ZNF726: variants seen among roughly 807,000 people sequenced by gnomAD.
The protein encoded by ZNF726 is zinc finger protein 726.
ZNF726 carries 15 observed loss-of-function variants against 11.6 expected under a neutral mutation model. The ratio of observed to expected loss-of-function variants is 1.29; its 90% CI spans 0.86 to 1.99. The LOEUF is 1.99. Among genes scored for constraint, ZNF726 ranks in the 30% most tolerant of loss-of-function variants. The pLI, the probability that ZNF726 is intolerant of heterozygous loss-of-function variation, is 0.00. For missense variants in ZNF726, 890 were observed against 725.6 expected, an observed-to-expected ratio of 1.23 and a Z score of -2.60; for synonymous variants, 295 against 243.6, an observed-to-expected ratio of 1.21 and a Z score of -1.96.
rs535543404 is a variant in ZNF726 at position 23,933,864 on chromosome 19, A to G, written c.1748A>G (p.His583Arg). ...AATCGATCCTCAAATCTTAGTACGC[A>G]TAAGATAATTCATACTGGAGAGAAA... Reference protein sequence around the residue: ...AFNRSSNLSTHKIIHTGEKPY... With the variant: ...AFNRSSNLSTRKIIHTGEKPY... Residue 583 changes from histidine to arginine, a missense_variant, in exon 4 of 4, where the codon CAT becomes CGT. His to Arg is a conservative substitution (Grantham distance 29). Coordinates refer to ENST00000594466, the MANE Select transcript of ZNF726 (RefSeq NM_001244038.2). The G allele has an allele frequency of 6.3e-6, 10 of 1,592,634 alleles. No individual in the cohort carries two copies. Among genetic ancestry groups the G allele is most frequent in the South Asian group, 5.6e-5 (5 of 89,080 alleles).
intron 3 of ZNF726, among the ~76,000 whole-genome samples, chr19:23,941,293 G>A (rs2145004972): frequency 6.6e-6 from 1 of 152,230 alleles, no homozygotes; most frequent in South Asian, 2.1e-4. Flanking sequence ...GTTGACGTGT[G>A]TGTGTTAAAC....
chr19:23,921,573 A>T (rs1967852925), intron 3 of ZNF726: 1 of 152,144 alleles, frequency 6.6e-6, no homozygotes. Flanking sequence ...TTATTGCTAT[A>T]TCTTTCACTT....
downstream of ZNF726, among the ~76,000 whole-genome samples, chr19:23,937,268 T>A (rs540666560): frequency 1.3e-5 from 2 of 150,578 alleles, no homozygotes; most frequent in East Asian, 4.0e-4. Flanking sequence ...CCGGGGCGGC[T>A]GGCCGGGCGG....
At chr19:23,941,698 G>A (rs1968341545) in intron 3 of ZNF726, among the ~76,000 whole-genome samples, 1 of 152,000 alleles carries the variant, frequency 6.6e-6, no homozygotes, top group Admixed American at 6.6e-5. Context: ...ATTTAAGCTA[G>A]GAGGGTTGTA....
intron 3 of ZNF726, among the ~76,000 whole-genome samples, chr19:23,942,323 G>A (rs938068667): frequency 6.6e-6 from 1 of 152,244 alleles, no homozygotes; most frequent in Middle Eastern, 3.4e-3. Flanking sequence ...CTCTGAGAGA[G>A]TGCTTGATGT....
At chr19:23,920,802 T>C (rs953319245) in intron 3 of ZNF726, 1 of 152,058 alleles carries the variant, frequency 6.6e-6, no homozygotes, top group African/African-American at 2.4e-5. Context: ...CTGTTTTTTT[T>C]CTTGCTTTCT....
At chr19:23,918,177 C>T (rs1051365530) in intron 1 of ZNF726, among the ~76,000 whole-genome samples, 23 of 151,760 alleles carry the variant, frequency 1.5e-4, no homozygotes, top group Non-Finnish European at 2.4e-4. Context: ...TAAGAACTGG[C>T]GAGAAGGTTG....
At position 23,920,025 on chromosome 19, in the gene ZNF726, G is replaced by C. The variant is rs190521096; in HGVS notation, c.169G>C (p.Glu57Gln). ...TAAGCCAGACCTCATCATCTGTCTGGAGAAAGAAAAAGAGCCCTGGAATAT... is the reference window on the plus strand; with the variant it reads ...TAAGCCAGACCTCATCATCTGTCTGCAGAAAGAAAAAGAGCCCTGGAATAT... The part of the protein sequence containing the change: ...VSKPDLIICL[E>Q]KEKEPWNMKR... Residue 57 changes from glutamate (E) to glutamine (Q), a missense_variant, in exon 3 of 4, where the codon GAG becomes CAG. By Grantham distance (29) the Glu-to-Gln change is conservative (BLOSUM62 2). Coordinates refer to ENST00000594466, the MANE Select transcript of ZNF726 (RefSeq NM_001244038.2). 28 of 1,589,544 alleles carry C rather than the reference G, an allele frequency of 1.8e-5. No individual in the cohort carries two copies. The Admixed American group carries it at 4.6e-4, about 26-fold the overall frequency.
chr19:23,942,572 C>G (rs370193244), intron 3 of ZNF726, among the ~76,000 whole-genome samples: 26 of 152,168 alleles, frequency 1.7e-4, no homozygotes, highest in African/African-American at 6.3e-4. Flanking sequence ...AAGTCCCTCC[C>G]TCTTATGGTA....
chr19:23,926,350 C>G (rs545576480), intron 3 of ZNF726, among the ~76,000 whole-genome samples: 12 of 151,878 alleles, frequency 7.9e-5, no homozygotes, highest in Admixed American at 1.3e-4. Context: ...GACAGGAGTT[C>G]AAGACAAGCC....
At chr19:23,934,818 C>T (rs145098503), downstream of ZNF726, among the ~76,000 whole-genome samples, 27 of 152,330 alleles carry the variant, frequency 1.8e-4, no homozygotes, top group East Asian at 4.6e-3. Flanking sequence ...CTCCAAGTAT[C>T]CAAAGCATCT....
chr19:23,938,598 T>C (rs1389652222), downstream of ZNF726, among the ~76,000 whole-genome samples: 1 of 150,270 alleles, frequency 6.7e-6, no homozygotes, highest in Non-Finnish European at 1.5e-5. Flanking sequence ...AGTTTTTTTT[T>C]CTTTTTTTTT....
chr19:23,925,734 G>T, intron 3 of ZNF726, among the ~76,000 whole-genome samples: 1 of 128,066 alleles, frequency 7.8e-6, no homozygotes, highest in African/African-American at 3.0e-5. Flanking sequence ...TTTTTTTTTG[G>T]GAGATGAAGT....
chr19:23,933,065 GA>G lies in ZNF726; in HGVS notation c.951del (p.Glu317AspfsTer12). 1 of 1,613,774 alleles carries G rather than the reference GA, an allele frequency of 6.2e-7. No individual in the cohort carries two copies. Among genetic ancestry groups the G allele is most frequent in the Non-Finnish European group, 8.5e-7 (1 of 1,179,972 alleles). ...HIGEKPYKCEECGKAFVWSST... is the reference protein window; with the variant it reads ...HIGEKPYKCEXCGKAFVWSST... ...TGGAGAGAAACCCTACAAATGTGAA[GA>G]ATGTGGCAAAGCATTTGTTTGGTCC... On this transcript the variant is annotated frameshift_variant, in exon 4 of 4. Coordinates refer to ENST00000594466, the MANE Select transcript of ZNF726 (RefSeq NM_001244038.2). LOFTEE classifies it low-confidence loss of function (END_TRUNC).
chr19:23,918,176 G>GCT (rs1967750899), intron 1 of ZNF726, among the ~76,000 whole-genome samples: 1 of 152,286 alleles, frequency 6.6e-6, no homozygotes, highest in Non-Finnish European at 1.5e-5. Flanking sequence ...ATAAGAACTG[G>GCT]CGAGAAGGTT....
chr19:23,929,567 C>G (rs559679363), intron 3 of ZNF726, among the ~76,000 whole-genome samples: 1 of 152,272 alleles, frequency 6.6e-6, no homozygotes, highest in Admixed American at 6.5e-5. Flanking sequence ...TTACCTTCCA[C>G]CACGTCCCTC....
chr19:23,921,789 T>A (rs971827737), intron 3 of ZNF726, among the ~76,000 whole-genome samples: 1 of 152,250 alleles, frequency 6.6e-6, no homozygotes, highest in African/African-American at 2.4e-5. Flanking sequence ...CTTTTTTATA[T>A]GTAAGATGAC....
In ZNF726 at chr19:23,932,508, A is replaced by G; in HGVS notation, c.392A>G (p.Asn131Ser). Residue 131 changes from asparagine (N) to serine (S), a missense_variant, in exon 4 of 4, where the codon AAT (asparagine) becomes AGT (serine). Physicochemically the swap from Asn to Ser is conservative, Grantham distance 46 (BLOSUM62 1). Transcript: ENST00000594466. ...TGTAAGGTACACAAAGAAGGTTATA[A>G]TGGACTTAACCAGTGTTTCACAACT... is the stretch of plus-strand genomic sequence containing the variant. ...DECKVHKEGYNGLNQCFTTTQ... is the reference protein window; with the variant it reads ...DECKVHKEGYSGLNQCFTTTQ... The G allele has an allele frequency of 1.9e-6, 3 of 1,587,426 alleles. No homozygotes were observed. In the South Asian group the frequency reaches 3.5e-5, roughly 19 times the overall value.
chr19:23,937,021 C>G (rs1968245504), downstream of ZNF726, among the ~76,000 whole-genome samples: 2 of 148,478 alleles, frequency 1.3e-5, no homozygotes, highest in African/African-American at 5.0e-5. Context: ...TCCTCACTTC[C>G]CAGTAGGGGC....
Sources: gnomAD v4.1 joint callset for allele counts (sites outside exome capture counted in the v4.1 genomes callset) on GRCh38, gnomAD v4.1.1 for gene constraint, MANE v1.5 for transcripts, NCBI Gene and HGNC (gene_info 2026-07-23, HGNC 2026-07-21) for gene names.